The following NOL4 variants were observed in gnomAD, a reference collection of about 807,000 sequenced individuals.
The protein encoded by NOL4 is cancer/testis antigen 125.
NOL4 carries 17 observed loss-of-function variants against 75.9 expected under a neutral mutation model. The ratio of observed to expected loss-of-function variants is 0.22; its 90% CI spans 0.15 to 0.34. The LOEUF (loss-of-function observed/expected upper bound fraction) is 0.34, where lower values mean the gene tolerates loss of function less well. Among genes scored for constraint, NOL4 ranks in the 10% least tolerant of loss-of-function variants. The pLI is 1.00. For synonymous variants in NOL4, 292 were observed against 289.9 expected, an observed-to-expected ratio of 1.01 and a Z score of -0.07; for missense variants, 614 against 793.5, an observed-to-expected ratio of 0.77 and a Z score of 2.72.
intron 1 of NOL4, chr18:34,221,738 A>G (rs1211828461): frequency 3.2e-6 from 1 of 316,920 alleles, no homozygotes; most frequent in Non-Finnish European, 5.7e-6. Flanking sequence ...TAATCTCAGG[A>G]AACCATAAAC....
At chr18:34,190,000 C>T (rs982915333) in intron 1 of NOL4, among the ~76,000 whole-genome samples, 1 of 136,646 alleles carries the variant, frequency 7.3e-6, no homozygotes. Flanking sequence ...TATATATATA[C>T]ACACATATAT....
At chr18:34,203,711 TCTCTCTCA>T (rs1293064362) in intron 1 of NOL4, among the ~76,000 whole-genome samples, 11 of 82,126 alleles carry the variant, frequency 1.3e-4, no homozygotes, top group African/African-American at 2.3e-4. Flanking sequence ...TCTCTCTCTC[TCTCTCTCA>T]CACACACACA....
intron 5 of NOL4, among the ~76,000 whole-genome samples, chr18:34,082,056 T>G (rs926103779): frequency 6.6e-6 from 1 of 152,144 alleles, no homozygotes. Flanking sequence ...GTGGTTATTA[T>G]AGACAGATTA....
chr18:34,141,847 C>T (rs2081180773), intron 1 of NOL4, among the ~76,000 whole-genome samples: 1 of 152,126 alleles, frequency 6.6e-6, no homozygotes, highest in Admixed American at 6.6e-5. Context: ...TCTAATTAAA[C>T]TAAAGAGCTT....
chr18:34,008,371 G>GTCTGTCTATCTATCTATCTA (rs1555690666), intron 6 of NOL4, among the ~76,000 whole-genome samples: 52 of 147,682 alleles, frequency 3.5e-4, no homozygotes, highest in African/African-American at 8.0e-4. Context: ...CTATCTGTCT[G>GTCTGTCTATCTATCTATCTA]TCTATCTATC....
At chr18:34,115,503 A>T (rs992489649) in intron 2 of NOL4, among the ~76,000 whole-genome samples, 3 of 131,466 alleles carry the variant, frequency 2.3e-5, no homozygotes, top group African/African-American at 8.3e-5. Flanking sequence ...CCCTTAGCAC[A>T]TGCACAGTGG....
chr18:33,885,587 G>A (rs185425869), intron 9 of NOL4, among the ~76,000 whole-genome samples: 1 of 152,210 alleles, frequency 6.6e-6, no homozygotes, highest in East Asian at 1.9e-4. Context: ...CATCATTGAT[G>A]ATCAGAGAAC....
chr18:34,104,214 A>AT (rs2079165463), intron 3 of NOL4, 55 bp from the exon 4 acceptor site: 1 of 1,011,264 alleles, frequency 9.9e-7, no homozygotes, highest in African/African-American at 1.6e-5. Flanking sequence ...TCTACCTGTA[A>AT]TTTTAAAATG....
intron 5 of NOL4, among the ~76,000 whole-genome samples, chr18:34,030,129 C>A (rs1009871645): frequency 1.3e-5 from 2 of 152,098 alleles, no homozygotes; most frequent in African/African-American, 4.8e-5. Flanking sequence ...AAATAAAATT[C>A]CACTTTGATT....
At chr18:34,147,479 G>C (rs1453094115) in intron 1 of NOL4, among the ~76,000 whole-genome samples, 2 of 152,006 alleles carry the variant, frequency 1.3e-5, no homozygotes, top group African/African-American at 4.8e-5. Context: ...ATAATCATGT[G>C]GTTTTTGTCA....
At chr18:34,076,104 T>C (rs865910184) in intron 5 of NOL4, among the ~76,000 whole-genome samples, 8 of 152,164 alleles carry the variant, frequency 5.3e-5, no homozygotes, top group Non-Finnish European at 7.3e-5. Flanking sequence ...GTCAATAGCA[T>C]AGAGTATATC....
chr18:34,119,205 T>C (rs1286112594), intron 2 of NOL4, among the ~76,000 whole-genome samples: 3 of 152,158 alleles, frequency 2.0e-5, no homozygotes, highest in Non-Finnish European at 4.4e-5. Flanking sequence ...TCTCAAAAAT[T>C]TTTGCTTCGG....
At chr18:33,955,885 T>A (rs901703157) in intron 8 of NOL4, among the ~76,000 whole-genome samples, 18 of 152,084 alleles carry the variant, frequency 1.2e-4, no homozygotes, top group Non-Finnish European at 2.4e-4. Flanking sequence ...AATTTAAATA[T>A]CTAGGCTATT....
chr18:34,053,261 T>C (rs1388062479), intron 5 of NOL4, among the ~76,000 whole-genome samples: 1 of 151,898 alleles, frequency 6.6e-6, no homozygotes, highest in Non-Finnish European at 1.5e-5. Context: ...CTTTGCATAC[T>C]CTTAAATTGC....
intron 1 of NOL4, among the ~76,000 whole-genome samples, chr18:34,163,543 A>G (rs968424854): frequency 3.9e-5 from 6 of 152,206 alleles, no homozygotes; most frequent in African/African-American, 1.2e-4. Flanking sequence ...AGGGATGTGA[A>G]GGACTCTTCA....
At chr18:33,893,144 TACATA>T (rs1213426548) in intron 9 of NOL4, among the ~76,000 whole-genome samples, 7 of 152,146 alleles carry the variant, frequency 4.6e-5, no homozygotes, top group Non-Finnish European at 1.0e-4. Context: ...TATGCTGACT[TACATA>T]ACAAGGCTCT....
intron 10 of NOL4, among the ~76,000 whole-genome samples, chr18:33,864,664 AG>A (rs1182961093): frequency 2.6e-5 from 4 of 152,260 alleles, no homozygotes; most frequent in African/African-American, 9.6e-5. Flanking sequence ...CCACATTTTC[AG>A]GTTATCTTTA....
chr18:34,213,083 G>C (rs539314623), intron 1 of NOL4, among the ~76,000 whole-genome samples: 1 of 152,224 alleles, frequency 6.6e-6, no homozygotes, highest in Non-Finnish European at 1.5e-5. Flanking sequence ...GGCCATCTGA[G>C]ACTCATCCTA....
At chr18:34,198,325 T>A (rs961161079) in intron 1 of NOL4, among the ~76,000 whole-genome samples, 1 of 151,840 alleles carries the variant, frequency 6.6e-6, no homozygotes, top group Non-Finnish European at 1.5e-5. Flanking sequence ...CTCCTCACCC[T>A]CCATAAAGAG....
Sources: gnomAD v4.1 joint callset for allele counts (sites outside exome capture counted in the v4.1 genomes callset) on GRCh38, gnomAD v4.1.1 for gene constraint, MANE v1.5 for transcripts, NCBI Gene and HGNC (gene_info 2026-07-23, HGNC 2026-07-21) for gene names.